The following PPP1R9A variants were observed in gnomAD, a reference collection of about 807,000 sequenced individuals.
The protein encoded by PPP1R9A is neurabin-1.
In PPP1R9A, 59 loss-of-function variants were observed where a neutral mutation model predicts 141.9. The ratio of observed to expected loss-of-function variants is 0.42; its 90% CI spans 0.34 to 0.52. The LOEUF is 0.52. Among genes scored for constraint, PPP1R9A ranks in the 20% least tolerant of loss-of-function variants. The pLI, the probability that PPP1R9A is intolerant of heterozygous loss-of-function variation, is 0.10. For missense variants in PPP1R9A, 1,444 were observed against 1,611.9 expected (o/e 0.90, Z 1.78); for synonymous variants, 500 against 569.7 (o/e 0.88, Z 1.74).
intron 4 of PPP1R9A, among the ~76,000 whole-genome samples, chr7:95,124,289 C>T (rs967779004): frequency 2.6e-5 from 4 of 152,008 alleles, no homozygotes; most frequent in South Asian, 4.1e-4. Context: ...GAAAAATATT[C>T]CATTAAGGAT....
chr7:95,093,108 T>A (rs1407727582), intron 2 of PPP1R9A, among the ~76,000 whole-genome samples: 1 of 152,162 alleles, frequency 6.6e-6, no homozygotes, highest in Non-Finnish European at 1.5e-5. Context: ...CATGGGATGA[T>A]GTTTTGTTTT....
chr7:95,260,390 A>G (rs914724630), intron 12 of PPP1R9A, among the ~76,000 whole-genome samples: 1 of 152,094 alleles, frequency 6.6e-6, no homozygotes, highest in Non-Finnish European at 1.5e-5. Context: ...GTACTGGGAG[A>G]TATCTAGGCC....
intron 2 of PPP1R9A, among the ~76,000 whole-genome samples, chr7:95,053,853 G>A (rs902486666): frequency 1.3e-5 from 2 of 152,156 alleles, no homozygotes; most frequent in Non-Finnish European, 1.5e-5. Flanking sequence ...GCTTTGGAAA[G>A]CTCCCTAACA....
intron 2 of PPP1R9A, among the ~76,000 whole-genome samples, chr7:94,957,209 T>A (rs1413993978): frequency 6.6e-6 from 1 of 152,134 alleles, no homozygotes; most frequent in Non-Finnish European, 1.5e-5. Flanking sequence ...GACATAGTTT[T>A]TGCCTCAGTC....
chr7:95,190,234 T>A (rs1433691286), intron 5 of PPP1R9A, among the ~76,000 whole-genome samples: 2 of 152,174 alleles, frequency 1.3e-5, no homozygotes, highest in East Asian at 3.9e-4. Context: ...TGTGGTACAT[T>A]TCTTCTTTCC....
chr7:95,285,692 G>T (rs1805173489), intron 17 of PPP1R9A, among the ~76,000 whole-genome samples: 1 of 152,138 alleles, frequency 6.6e-6, no homozygotes, highest in Non-Finnish European at 1.5e-5. Flanking sequence ...ACCTCCCCCA[G>T]AACTCATCAT....
intron 2 of PPP1R9A, among the ~76,000 whole-genome samples, chr7:94,994,844 A>G (rs1801967379): frequency 6.6e-6 from 1 of 151,858 alleles, no homozygotes; most frequent in Admixed American, 6.6e-5. Context: ...CAGAGTTGAC[A>G]TCGCGCCACC....
Position 95,183,145 on chromosome 7 carries a change from CT to C in PPP1R9A, c.1755-15194del, listed in dbSNP as rs111837644. On this transcript the variant is annotated intron_variant, in intron 5 of 19. Transcript: ENST00000433360. ...AATATAGCATAGAAAAATACTCTTT[CT>C]TTTTTTTTTGAGACAGGGTCTCTCT... is the stretch of plus-strand genomic sequence containing the variant. Among the ~76,000 whole-genome samples, 704 of 147,456 alleles carry C rather than the reference CT, an allele frequency of 4.8e-3. 5 individuals are homozygous for C. Among genetic ancestry groups the C allele is most frequent in the African/African-American group, 0.016 (654 of 40,362 alleles).
At chr7:94,926,944 G>A (rs1041860277) in intron 2 of PPP1R9A, among the ~76,000 whole-genome samples, 4 of 151,998 alleles carry the variant, frequency 2.6e-5, no homozygotes, top group Admixed American at 2.0e-4. Flanking sequence ...TCTTGAAATC[G>A]TATTTTTTGC....
chr7:95,215,321 A>G (rs1363263193), intron 7 of PPP1R9A, among the ~76,000 whole-genome samples: 1 of 152,028 alleles, frequency 6.6e-6, no homozygotes, highest in Non-Finnish European at 1.5e-5. Flanking sequence ...TTATGGCTGC[A>G]TAGTATTCCA....
At chr7:94,919,883 T>G (rs983216312) in intron 2 of PPP1R9A, among the ~76,000 whole-genome samples, 1 of 152,114 alleles carries the variant, frequency 6.6e-6, no homozygotes, top group African/African-American at 2.4e-5. Flanking sequence ...GTGTGCCTCT[T>G]GAAGCCTTGA....
intron 5 of PPP1R9A, among the ~76,000 whole-genome samples, chr7:95,187,583 G>T (rs1474104784): frequency 6.6e-6 from 1 of 152,008 alleles, no homozygotes; most frequent in Non-Finnish European, 1.5e-5. Flanking sequence ...AGTTCCTTGA[G>T]TTGTGTCCTT....
intron 4 of PPP1R9A, among the ~76,000 whole-genome samples, chr7:95,158,319 A>T (rs1829953851): frequency 6.6e-6 from 1 of 152,206 alleles, no homozygotes; most frequent in Non-Finnish European, 1.5e-5. Context: ...TTCCAGGTGG[A>T]TAACTGCCTA....
At chr7:95,152,164 A>G (rs1964201) in intron 4 of PPP1R9A, among the ~76,000 whole-genome samples, 43,046 of 151,402 alleles carry the variant, frequency 0.28, 7,519 homozygotes, top group Middle Eastern at 0.43. Flanking sequence ...GTTGGCCAGG[A>G]TGGTCTCCAT....
chr7:95,194,271 T>C (rs1181052598), intron 5 of PPP1R9A, among the ~76,000 whole-genome samples: 1 of 152,088 alleles, frequency 6.6e-6, no homozygotes, highest in East Asian at 1.9e-4. Context: ...TATATGTCTA[T>C]GGATTCTTTA....
intron 2 of PPP1R9A, among the ~76,000 whole-genome samples, chr7:95,066,258 A>T (rs563058977): frequency 4.9e-4 from 74 of 152,328 alleles, no homozygotes; most frequent in Admixed American, 3.3e-3. Flanking sequence ...GAGAGGCCTC[A>T]GAAGAAACCT....
chr7:94,973,717 C>CT (rs1799120309), intron 2 of PPP1R9A, among the ~76,000 whole-genome samples: 1 of 147,300 alleles, frequency 6.8e-6, no homozygotes. Context: ...TTTTTTCTTT[C>CT]TTTCTTTTTT....
intron 5 of PPP1R9A, among the ~76,000 whole-genome samples, chr7:95,170,598 T>C (rs1422897188): frequency 1.3e-5 from 2 of 151,428 alleles, no homozygotes; most frequent in African/African-American, 4.8e-5. Flanking sequence ...TTAAAAGTTT[T>C]GAAAGAAAAA....
intron 7 of PPP1R9A, among the ~76,000 whole-genome samples, chr7:95,221,992 G>T (rs1794526315): frequency 6.6e-6 from 1 of 152,044 alleles, no homozygotes; most frequent in African/African-American, 2.4e-5. Context: ...TCGTTTGTTT[G>T]TCAGCGATTC....
Sources: allele counts gnomAD v4.1 joint callset (sites outside exome capture counted in the v4.1 genomes callset), GRCh38; gene constraint gnomAD v4.1.1; transcripts MANE v1.5; gene names NCBI Gene and HGNC (gene_info 2026-07-23, HGNC 2026-07-21).